The following LIFR variants were observed in gnomAD, a reference collection of about 807,000 sequenced individuals.
LIFR encodes leukemia inhibitory factor receptor.
LIFR carries 84 observed loss-of-function variants against 122.2 expected under a neutral mutation model. The observed-to-expected ratio is 0.69, with a 90% CI of 0.58 to 0.82. The LOEUF (loss-of-function observed/expected upper bound fraction) is 0.82. LIFR is among the 40% of genes least tolerant of loss of function. The pLI is 0.00. For synonymous variants in LIFR, 422 were observed against 434.7 expected (o/e 0.97, Z 0.36); for missense variants, 1,294 against 1,311.6 (o/e 0.99, Z 0.21).
At chr5:38,606,514 A>G (rs1750332354) in intron 1 of LIFR, among the ~76,000 whole-genome samples, 1 of 152,208 alleles carries the variant, frequency 6.6e-6, no homozygotes, top group Non-Finnish European at 1.5e-5. Context: ...ATGGGGTCAA[A>G]TATTCAAACT....
At chr5:38,594,870 T>C (rs1750047605) in intron 1 of LIFR, 1 of 200,574 alleles carries the variant, frequency 5.0e-6, no homozygotes, top group African/African-American at 2.3e-5. Context: ...GCATTCATCT[T>C]GGTGAGCAGT....
intron 1 of LIFR, among the ~76,000 whole-genome samples, chr5:38,594,605 A>G (rs1224140158): frequency 6.6e-6 from 1 of 152,178 alleles, no homozygotes; most frequent in African/African-American, 2.4e-5. Flanking sequence ...GGCTTTTTAT[A>G]AACCTAAAAC....
intron 1 of LIFR, among the ~76,000 whole-genome samples, chr5:38,573,994 A>G (rs2112722135): frequency 6.6e-6 from 1 of 152,224 alleles, no homozygotes; most frequent in African/African-American, 2.4e-5. Context: ...ATATGCCTGT[A>G]GTCCCAAATT....
chr5:38,512,324 A>G (rs996053845), intron 5 of LIFR, among the ~76,000 whole-genome samples: 5 of 152,056 alleles, frequency 3.3e-5, no homozygotes, highest in African/African-American at 1.2e-4. Flanking sequence ...CTAATCTAAA[A>G]ATCTAAAATC....
intron 1 of LIFR, among the ~76,000 whole-genome samples, chr5:38,537,396 T>C (rs1425092533): frequency 1.3e-5 from 2 of 152,178 alleles, no homozygotes. Flanking sequence ...TATCATACTT[T>C]AGAGTAACAT....
chr5:38,602,811 ACTCT>A (rs1295548215), intron 2 of LIFR, among the ~76,000 whole-genome samples: 2 of 151,872 alleles, frequency 1.3e-5, no homozygotes, highest in South Asian at 2.1e-4. Flanking sequence ...TATCACACTG[ACTCT>A]CTCAGGAAGA....
intron 1 of LIFR, among the ~76,000 whole-genome samples, chr5:38,555,706 G>A (rs1423227061): frequency 2.2e-5 from 3 of 136,630 alleles, no homozygotes; most frequent in South Asian, 2.6e-4. Context: ...TTTTGGTAGC[G>A]GAATGTGGGG....
chr5:38,490,348 T>A, intron 14 of LIFR, 57 bp from the exon 15 acceptor site: 1 of 775,498 alleles, frequency 1.3e-6, no homozygotes, highest in South Asian at 1.7e-5. Context: ...AATATCTATT[T>A]TAGAAACATC....
intron 1 of LIFR, among the ~76,000 whole-genome samples, chr5:38,550,819 T>C (rs987551016): frequency 3.3e-5 from 5 of 152,176 alleles, no homozygotes; most frequent in Non-Finnish European, 7.4e-5. Flanking sequence ...TCAGGACTCC[T>C]GGATTCTTCG....
intron 2 of LIFR, 75 bp from the exon 3 acceptor site, chr5:38,528,915 C>G: frequency 1.1e-6 from 1 of 915,390 alleles, no homozygotes; most frequent in Non-Finnish European, 1.8e-6. Context: ...AATAAGTCAA[C>G]TGCACTCTAA....
At position 38,539,521 on chromosome 5, in the gene LIFR, G is replaced by A. The variant is rs150306941; in HGVS notation, c.-19-8855C>T. 7.2e-3 allele frequency among the ~76,000 whole-genome samples: 1,090 copies of A among 152,116 alleles called. 18 individuals carry two copies. Among genetic ancestry groups the A allele is most frequent in the Admixed American group, 0.034 (514 of 15,286 alleles). On this transcript the variant is annotated intron_variant, in intron 1 of 19. Coordinates refer to ENST00000453190, the MANE Select transcript of LIFR (RefSeq NM_001127671.2). ...GCAAATCCATTCAAATAGAGTCCTC[G>A]GTGAGGACTTAAAATATTTTCATAC...
chr5:38,492,238 A>G (rs1016514921), intron 14 of LIFR, among the ~76,000 whole-genome samples: 2 of 152,134 alleles, frequency 1.3e-5, no homozygotes, highest in East Asian at 3.9e-4. Flanking sequence ...TGTTTTCTCA[A>G]GCTTTGTGTC....
chr5:38,595,678 G>A (rs1199001750), upstream of LIFR, among the ~76,000 whole-genome samples: 2 of 151,494 alleles, frequency 1.3e-5, no homozygotes, highest in Non-Finnish European at 2.9e-5. Context: ...AATCCATGGG[G>A]CCAATCTAAC....
Position 38,503,544 on chromosome 5 carries a change from A to G in LIFR, c.1437+432T>C, listed in dbSNP as rs112477009. ...CACAAATTACAAGATAGTATAATAT[A>G]AAAGTCAACCTAAATATTTAAAATG... On this transcript the variant is annotated intron_variant, in intron 10 of 19. Transcript: ENST00000453190. Among the ~76,000 whole-genome samples, 66 of 152,038 alleles carry G rather than the reference A, an allele frequency of 4.3e-4. 1 individual carries two copies. Among genetic ancestry groups the G allele is most frequent in the African/African-American group, 1.6e-3 (65 of 41,560 alleles).
intron 4 of LIFR, among the ~76,000 whole-genome samples, chr5:38,525,108 T>A (rs1256943080): frequency 6.6e-6 from 1 of 152,110 alleles, no homozygotes. Flanking sequence ...CTAAAAAAGG[T>A]AGCAGGAAGA....
In LIFR at chr5:38,538,460, A is replaced by C. The variant is rs75050341; in HGVS notation, c.-19-7794T>G. Among the ~76,000 whole-genome samples the C allele has an allele frequency of 2.0e-5, 3 of 152,334 alleles. No individual in the cohort carries two copies. The East Asian group carries it at 5.8e-4, about 29-fold the overall frequency. On this transcript the variant is annotated intron_variant, in intron 1 of 19. Transcript: ENST00000453190. ...GCATGACAAAATATTCTGATGCTTC[A>C]TATCCACTTGGATATTTCAGATTCC... is the stretch of plus-strand genomic sequence containing the variant.
upstream of LIFR, chr5:38,557,365 G>C (rs1001595527): frequency 2.0e-5 from 3 of 153,700 alleles, no homozygotes; most frequent in African/African-American, 7.2e-5. Context: ...CTTGGCCTCG[G>C]TTTTCTAGCA....
intron 16 of LIFR, among the ~76,000 whole-genome samples, chr5:38,487,532 T>C (rs1245043122): frequency 6.6e-6 from 1 of 152,182 alleles, no homozygotes; most frequent in Non-Finnish European, 1.5e-5. Flanking sequence ...TTTCTATTTA[T>C]TTTGCTGTGT....
intron 1 of LIFR, among the ~76,000 whole-genome samples, chr5:38,546,378 G>C (rs1040525982): frequency 7.9e-5 from 12 of 152,280 alleles, no homozygotes; most frequent in Non-Finnish European, 7.4e-5. Flanking sequence ...GGCAGGCTTT[G>C]CCTTTAGATG....
Sources: allele counts gnomAD v4.1 joint callset (sites outside exome capture counted in the v4.1 genomes callset), GRCh38; gene constraint gnomAD v4.1.1; transcripts MANE v1.5; gene names NCBI Gene and HGNC (gene_info 2026-07-23, HGNC 2026-07-21).